Variants in PDXDC1 observed in about 807,000 individuals in gnomAD.
PDXDC1 encodes the protein pyridoxal-dependent decarboxylase domain-containing protein 1.
Under a neutral mutation model 100.1 loss-of-function variants are expected in PDXDC1, and 42 were observed. The observed-to-expected ratio is 0.42, with a 90% CI of 0.33 to 0.54. PDXDC1 has a LOEUF of 0.54. PDXDC1 is among the 20% of genes least tolerant of loss of function. The pLI is 0.10. For synonymous variants in PDXDC1, 260 were observed against 371.7 expected (o/e 0.70, Z 3.46); for missense variants, 636 against 979.2 (o/e 0.65, Z 4.68).
At chr16:15,131,099 T>C in intron 16 of PDXDC1, 2 of 1,605,884 alleles carry the variant, frequency 1.2e-6, no homozygotes, top group Non-Finnish European at 8.5e-7. Context: ...TCCAGCAGCG[T>C]ATAGTTGAGC....
chr16:14,978,027 G>A (rs28696756), intron 1 of PDXDC1, among the ~76,000 whole-genome samples: 95,622 of 141,836 alleles, frequency 0.67, 31,251 homozygotes, highest in Non-Finnish European at 0.75. Context: ...TCCAAATATA[G>A]TTCTGTCCCT....
At chr16:15,027,804 C>T (rs1029522319) in intron 14 of PDXDC1, among the ~76,000 whole-genome samples, 11 of 152,296 alleles carry the variant, frequency 7.2e-5, no homozygotes, top group African/African-American at 2.7e-4. Context: ...CCACTAGGGT[C>T]TCAGGTTTTT....
At chr16:15,093,926 G>T (rs2151832793) in intron 16 of PDXDC1, 1 of 548,852 alleles carries the variant, frequency 1.8e-6, no homozygotes, top group Non-Finnish European at 3.2e-6. Flanking sequence ...GGGAAAGGGG[G>T]CCTCCAGAAC....
downstream of PDXDC1, among the ~76,000 whole-genome samples, chr16:15,142,691 G>A (rs895706464): frequency 2.6e-5 from 4 of 152,012 alleles, no homozygotes; most frequent in Admixed American, 2.6e-4. Context: ...TTTTGCCATC[G>A]CCGTTCTGGG....
intron 12 of PDXDC1, among the ~76,000 whole-genome samples, chr16:15,020,149 CA>C (rs1304817897): frequency 9.4e-5 from 12 of 128,022 alleles, no homozygotes; most frequent in Admixed American, 6.3e-4. Context: ...AGCCAAAAAA[CA>C]GGGTCATGTT....
intron 16 of PDXDC1, among the ~76,000 whole-genome samples, chr16:15,089,518 T>A (rs2046033440): frequency 6.6e-6 from 1 of 151,760 alleles, no homozygotes; most frequent in South Asian, 2.1e-4. Context: ...AAAGGATCAC[T>A]GGCCGGGCGT....
intron 1 of PDXDC1, among the ~76,000 whole-genome samples, chr16:14,982,056 T>G (rs1325022066): frequency 1.6e-4 from 25 of 152,288 alleles, no homozygotes; most frequent in African/African-American, 5.5e-4. Flanking sequence ...TCTTGAACTC[T>G]GTACCTCAGG....
At chr16:15,102,211 C>T (rs1276580036) in intron 16 of PDXDC1, among the ~76,000 whole-genome samples, 1 of 151,090 alleles carries the variant, frequency 6.6e-6, no homozygotes, top group Non-Finnish European at 1.5e-5. Context: ...AGGCTGGTCT[C>T]GACCCCCTGG....
rs1291962757 is a variant in PDXDC1 at position 15,038,050 on chromosome 16, A to ATCTT, written c.*1777_*1780dup. The ATCTT allele has an allele frequency of 6.2e-7, 1 of 1,612,198 alleles. No individual in the cohort carries two copies. The highest frequency in any genetic ancestry group is 2.2e-5 in the East Asian group (1 of 44,886). On this transcript the variant is annotated 3_prime_UTR_variant, in exon 23 of 23. Coordinates refer to ENST00000396410, the MANE Select transcript of PDXDC1 (RefSeq NM_015027.4). ...TGTTTTTTAACTTCCTGGAGAAGAG[A>ATCTT]TCTTTTCCCACAAGCCATCTTCATT...
intron 16 of PDXDC1, chr16:15,044,671 G>A: frequency 1.9e-6 from 1 of 524,864 alleles, no homozygotes; most frequent in Non-Finnish European, 3.4e-6. Flanking sequence ...TGCACCAGTG[G>A]GGAACTTTGC....
intron 16 of PDXDC1, among the ~76,000 whole-genome samples, chr16:15,085,877 T>C (rs1597985546): frequency 1.3e-5 from 2 of 152,204 alleles, no homozygotes; most frequent in South Asian, 4.1e-4. Flanking sequence ...AGCAACTTTA[T>C]AGTTTTTAAA....
At chr16:14,981,754 TCTGA>T (rs1172676941) in intron 1 of PDXDC1, among the ~76,000 whole-genome samples, 1 of 152,302 alleles carries the variant, frequency 6.6e-6, no homozygotes, top group Non-Finnish European at 1.5e-5. Flanking sequence ...CATACTGCTC[TCTGA>T]CTGAGATGTG....
intron 18 of PDXDC1, 25 bp downstream of exon 18, chr16:15,033,004 C>A (rs2043158960): frequency 7.2e-7 from 1 of 1,380,170 alleles, no homozygotes; most frequent in Non-Finnish European, 1.0e-6. Context: ...TGTAAGTCAG[C>A]TGTGGGGTTT....
intron 6 of PDXDC1, among the ~76,000 whole-genome samples, chr16:15,008,434 G>A (rs1270363938): frequency 3.9e-5 from 6 of 152,278 alleles, no homozygotes; most frequent in Non-Finnish European, 7.3e-5. Context: ...AATGCTTGGA[G>A]AAAGAATCCA....
At position 15,055,823 on chromosome 16, in the gene PDXDC1, G is replaced by A. The variant is rs1414033750; in HGVS notation, c.1399+25767G>A. ...AGTTTCAAGTCTGTGTCGCGTGAGGGGGGCGCTAGCCCGCCCTGCAGCTTC... is the reference window on the plus strand; with the variant it reads ...AGTTTCAAGTCTGTGTCGCGTGAGGAGGGCGCTAGCCCGCCCTGCAGCTTC... On this transcript the variant is annotated intron_variant, in intron 16 of 16. Transcript: ENST00000535621. 4.7e-6 allele frequency: 4 copies of A among 847,262 alleles called. 1 individual carries two copies. The Admixed American group carries it at 1.7e-4, about 37-fold the overall frequency. 52.5% of individuals were successfully genotyped at this position (847,262 alleles called of 1,614,324 possible).
At chr16:15,143,541 G>A (rs569851113), downstream of PDXDC1, among the ~76,000 whole-genome samples, 395 of 152,298 alleles carry the variant, frequency 2.6e-3, 2 homozygotes, top group Non-Finnish European at 4.5e-3. Context: ...CCAGCCAGGC[G>A]CTGGCTCTCC....
At chr16:14,983,848 A>T (rs75848701) in intron 1 of PDXDC1, among the ~76,000 whole-genome samples, 2 of 152,382 alleles carry the variant, frequency 1.3e-5, no homozygotes, top group East Asian at 3.9e-4. Context: ...ATATAGTGAT[A>T]TTACCACCAG....
intron 16 of PDXDC1, chr16:15,074,663 G>C: frequency 7.7e-7 from 1 of 1,292,088 alleles, no homozygotes; most frequent in Non-Finnish European, 1.1e-6. Context: ...GATGGAAAAT[G>C]CCCAGCACAA....
At chr16:15,094,858 A>C (rs2046297765) in intron 16 of PDXDC1, 1 of 152,304 alleles carries the variant, frequency 6.6e-6, no homozygotes, top group Middle Eastern at 3.2e-3. Context: ...TTTTCTTTTG[A>C]GGCCGAGTCT....
Sources: allele counts gnomAD v4.1 joint callset (sites outside exome capture counted in the v4.1 genomes callset), GRCh38; gene constraint gnomAD v4.1.1; transcripts MANE v1.5; gene names NCBI Gene and HGNC (gene_info 2026-07-23, HGNC 2026-07-21).